The following HTR4 variants were observed in gnomAD, a reference collection of about 807,000 sequenced individuals.
The protein encoded by HTR4 is 5-hydroxytryptamine (serotonin) receptor 4, G protein-coupled.
In HTR4, 16 loss-of-function variants were observed where a neutral mutation model predicts 36.8. The observed-to-expected ratio is 0.43, with a 90% CI of 0.29 to 0.66. The LOEUF is 0.66. Ranked by LOEUF, HTR4 falls within the 30% of genes least tolerant of loss-of-function variation. HTR4 has a pLI of 0.13. For synonymous variants in HTR4, 189 were observed against 185.1 expected, an observed-to-expected ratio of 1.02 and a Z score of -0.17; for missense variants, 438 against 490.9, an observed-to-expected ratio of 0.89 and a Z score of 1.02.
At chr5:148,478,648 G>A (rs1288504959), downstream of HTR4, among the ~76,000 whole-genome samples, 4 of 151,968 alleles carry the variant, frequency 2.6e-5, no homozygotes, top group East Asian at 1.9e-4. Context: ...TTCCATCCAG[G>A]GCATAGATTA....
intron 2 of HTR4, among the ~76,000 whole-genome samples, chr5:148,626,883 T>C (rs933302759): frequency 2.3e-4 from 35 of 152,206 alleles, no homozygotes; most frequent in African/African-American, 8.4e-4. Context: ...TAGCCAGCTT[T>C]CTATAGACAT....
chr5:148,613,007 A>T (rs1292973720), intron 2 of HTR4, among the ~76,000 whole-genome samples: 1 of 144,782 alleles, frequency 6.9e-6, no homozygotes, highest in Non-Finnish European at 1.5e-5. Context: ...GAATAGACCA[A>T]TAACAGGATC....
At chr5:148,576,124 A>AAAAAAAAAAAAAAAAC (rs1760901506) in intron 2 of HTR4, among the ~76,000 whole-genome samples, 1 of 147,416 alleles carries the variant, frequency 6.8e-6, no homozygotes, top group Non-Finnish European at 1.5e-5. Flanking sequence ...AAAAAAAAAA[A>AAAAAAAAAAAAAAAAC]AAAAAAAAAC....
chr5:148,584,253 C>T (rs1343065385), intron 2 of HTR4, among the ~76,000 whole-genome samples: 1 of 151,984 alleles, frequency 6.6e-6, no homozygotes, highest in Non-Finnish European at 1.5e-5. Context: ...CCTTATTTTA[C>T]TATGGAGAAA....
rs186845398 is a variant in HTR4, at chr5:148,481,562, T to C, written c.*1641A>G. The C allele has an allele frequency of 7.2e-5, 110 of 1,527,448 alleles. No individual in the cohort carries two copies. In the Middle Eastern group the frequency reaches 8.4e-4, roughly 12 times the overall value. 94.6% of individuals were successfully genotyped at this position (1,527,448 alleles called of 1,614,324 possible). Reference sequence around the variant, plus strand: ...TTTTTTTTTCTTTTTCTTTTTGGCATTTGGATGGTTTGGTCAATCTTCTCT... The same window carrying C: ...TTTTTTTTTCTTTTTCTTTTTGGCACTTGGATGGTTTGGTCAATCTTCTCT... On this transcript the variant is annotated 3_prime_UTR_variant, in exon 7 of 7. Coordinates refer to ENST00000377888, the MANE Select transcript of HTR4 (RefSeq NM_000870.7).
intron 2 of HTR4, among the ~76,000 whole-genome samples, chr5:148,625,927 C>T (rs908453192): frequency 1.4e-5 from 2 of 146,632 alleles, no homozygotes; most frequent in African/African-American, 5.0e-5. Flanking sequence ...TTTGTTTTTT[C>T]ATTTTGTTCA....
chr5:148,646,248 T>A (rs1227051381), intron 1 of HTR4: 1 of 152,214 alleles, frequency 6.6e-6, no homozygotes, highest in Non-Finnish European at 1.5e-5. Flanking sequence ...AAATCCTCTT[T>A]AATGATTTTT....
rs560453987 is a variant in HTR4 at position 148,505,323 on chromosome 5, C to A, written c.1076+4133G>T. On this transcript the variant is annotated intron_variant, in intron 6 of 6. Coordinates refer to ENST00000377888, the MANE Select transcript of HTR4 (RefSeq NM_000870.7). ...AAAGGCCTTTGACAAAATTCAACAG[C>A]CCTTCATGGTAAAAACTCTCAATAA... 3.3e-5 allele frequency among the ~76,000 whole-genome samples: 5 copies of A among 152,238 alleles called. No homozygotes were observed. The South Asian group carries it at 1.0e-3, about 32-fold the overall frequency.
In HTR4 at chr5:148,654,319, C is replaced by T; in HGVS notation, c.-305G>A. 1 of 984,848 alleles carries T rather than the reference C, an allele frequency of 1.0e-6. No homozygotes were observed. The highest frequency in any genetic ancestry group is 1.2e-6 in the Non-Finnish European group (1 of 829,434). The allele number at this position is 984,848 out of a possible 1,614,324, so 61.0% of individuals were successfully genotyped here. On this transcript the variant is annotated 5_prime_UTR_variant, in exon 1 of 7. Transcript: ENST00000377888. ...GCCGCGCATCGTCCTTCTCCCCAAC[C>T]GAGCCGGACTCCACGGGCTCAACAG...
chr5:148,452,986 G>A (rs1438797782), intron 5 of HTR4, among the ~76,000 whole-genome samples: 1 of 152,188 alleles, frequency 6.6e-6, no homozygotes, highest in Non-Finnish European at 1.5e-5. Context: ...CCAAATGTCT[G>A]CTTTGTTGGC....
At chr5:148,609,139 T>A (rs1271407596) in intron 2 of HTR4, among the ~76,000 whole-genome samples, 1 of 152,198 alleles carries the variant, frequency 6.6e-6, no homozygotes, top group Non-Finnish European at 1.5e-5. Flanking sequence ...TGCCTAAAAA[T>A]TGGTAAGATA....
At chr5:148,587,016 T>A (rs1761373244) in intron 2 of HTR4, among the ~76,000 whole-genome samples, 2 of 152,138 alleles carry the variant, frequency 1.3e-5, no homozygotes, top group Non-Finnish European at 2.9e-5. Flanking sequence ...TGTGGATGCC[T>A]CTAGGTGAGG....
At position 148,541,131 on chromosome 5, in the gene HTR4, T is replaced by G. The variant is rs894159219; in HGVS notation, c.353+7537A>C. On this transcript the variant is annotated intron_variant, in intron 4 of 6. Transcript: ENST00000377888. ...CTATTAATAACACAATTTTTACAGA[T>G]AAGACAAAGTCCAGAAAACCTTTGT... Among the ~76,000 whole-genome samples, 5 of 152,292 alleles carry G rather than the reference T, an allele frequency of 3.3e-5. No individual in the cohort carries two copies. The East Asian group carries it at 7.7e-4, about 24-fold the overall frequency.
chr5:148,571,977 G>A (rs1760696130), intron 2 of HTR4, among the ~76,000 whole-genome samples: 1 of 152,102 alleles, frequency 6.6e-6, no homozygotes, highest in African/African-American at 2.4e-5. Context: ...TCATTTGAGT[G>A]TGTGTTTTGT....
intron 1 of HTR4, chr5:148,644,867 G>C (rs1753835370): frequency 6.6e-6 from 1 of 152,102 alleles, no homozygotes; most frequent in South Asian, 2.1e-4. Flanking sequence ...GAAGTCTGAT[G>C]GCTTACAGAG....
At chr5:148,543,812 G>T (rs2113836935) in intron 4 of HTR4, among the ~76,000 whole-genome samples, 1 of 152,258 alleles carries the variant, frequency 6.6e-6, no homozygotes, top group African/African-American at 2.4e-5. Flanking sequence ...CAAGACCAAT[G>T]TAGGAGTGAT....
chr5:148,499,998 C>T (rs148093970), intron 6 of HTR4, among the ~76,000 whole-genome samples: 162 of 152,220 alleles, frequency 1.1e-3, no homozygotes, highest in African/African-American at 3.6e-3. Context: ...ATGCCATGCT[C>T]GTACAGCCTG....
At chr5:148,649,121 G>C (rs1159884606) in intron 1 of HTR4, among the ~76,000 whole-genome samples, 2 of 152,018 alleles carry the variant, frequency 1.3e-5, no homozygotes, top group Non-Finnish European at 2.9e-5. Flanking sequence ...ACTTCTCTCA[G>C]GAGTTGATAG....
chr5:148,504,820 C>G (rs139808402), intron 6 of HTR4, among the ~76,000 whole-genome samples: 1 of 152,076 alleles, frequency 6.6e-6, no homozygotes, highest in Non-Finnish European at 1.5e-5. Flanking sequence ...ATATCACTAC[C>G]GATCCCACAG....
Sources: gnomAD v4.1 joint callset for allele counts (sites outside exome capture counted in the v4.1 genomes callset) on GRCh38, gnomAD v4.1.1 for gene constraint, MANE v1.5 for transcripts, NCBI Gene and HGNC (gene_info 2026-07-23, HGNC 2026-07-21) for gene names.